The following ZNF654 variants were observed in gnomAD, a reference collection of about 807,000 sequenced individuals.
ZNF654 encodes zinc finger protein 654, also known as melanoma-associated antigen.
In ZNF654, 19 loss-of-function variants were observed where a neutral mutation model predicts 95.3. That is an observed-to-expected ratio of 0.20 (90% CI 0.14 to 0.29). ZNF654 has a LOEUF of 0.29. ZNF654 is among the 10% of genes least tolerant of loss of function. The pLI is 1.00. For synonymous variants in ZNF654, 413 were observed against 457.9 expected, an observed-to-expected ratio of 0.90 and a Z score of 1.25; for missense variants, 1,046 against 1,341.0, an observed-to-expected ratio of 0.78 and a Z score of 3.44.
intron 3 of ZNF654, among the ~76,000 whole-genome samples, chr3:88,122,723 T>C (rs1442169665): frequency 1.3e-5 from 2 of 152,058 alleles, no homozygotes; most frequent in African/African-American, 4.8e-5. Flanking sequence ...AAATACAATA[T>C]GTATGGCTGG....
intron 5 of ZNF654, among the ~76,000 whole-genome samples, chr3:88,129,244 GTA>G (rs1227924681): frequency 1.5e-5 from 2 of 136,326 alleles, no homozygotes; most frequent in Non-Finnish European, 3.1e-5. Context: ...TCATTAATAA[GTA>G]TTATTCACAT....
chr3:88,091,248 T>G (rs1203904838), intron 2 of ZNF654, among the ~76,000 whole-genome samples: 1 of 152,128 alleles, frequency 6.6e-6, no homozygotes, highest in Non-Finnish European at 1.5e-5. Flanking sequence ...ACAGAAGTGT[T>G]GGAGAGAGGA....
At chr3:88,107,202 T>C (rs1704796596) in intron 2 of ZNF654, among the ~76,000 whole-genome samples, 1 of 152,236 alleles carries the variant, frequency 6.6e-6, no homozygotes. Context: ...TTTATCTTCC[T>C]CCAGTAAAAT....
chr3:88,115,141 G>C (rs189215479), intron 3 of ZNF654, among the ~76,000 whole-genome samples: 4 of 152,274 alleles, frequency 2.6e-5, no homozygotes, highest in Non-Finnish European at 5.9e-5. Context: ...TTAAAATTTA[G>C]ATTATGAATC....
intron 1 of ZNF654, among the ~76,000 whole-genome samples, chr3:88,063,957 T>G (rs1707044234): frequency 6.6e-6 from 1 of 152,208 alleles, no homozygotes; most frequent in Admixed American, 6.5e-5. Flanking sequence ...TAAATCCTAC[T>G]TAATGACCCA....
intron 7 of ZNF654, among the ~76,000 whole-genome samples, chr3:88,135,667 G>T (rs143060217): frequency 6.6e-6 from 1 of 152,190 alleles, no homozygotes; most frequent in Non-Finnish European, 1.5e-5. Flanking sequence ...TGAAGTAATT[G>T]TAAAAATGTG....
intron 3 of ZNF654, among the ~76,000 whole-genome samples, chr3:88,114,923 A>G (rs895245540): frequency 6.6e-6 from 1 of 152,224 alleles, no homozygotes; most frequent in African/African-American, 2.4e-5. Flanking sequence ...ATTCAGTGAC[A>G]ACCCCAAATG....
chr3:88,127,603 A>G (rs1221177333), intron 4 of ZNF654, among the ~76,000 whole-genome samples: 1 of 152,076 alleles, frequency 6.6e-6, no homozygotes, highest in African/African-American at 2.4e-5. Flanking sequence ...CTAGACAAAG[A>G]CAGAGTTTCA....
chr3:88,061,685 A>G (rs1279865387), intron 1 of ZNF654, among the ~76,000 whole-genome samples: 1 of 152,174 alleles, frequency 6.6e-6, no homozygotes, highest in Non-Finnish European at 1.5e-5. Flanking sequence ...TACCATAGTA[A>G]TTGCTTCATT....
chr3:88,108,687 G>A (rs540868833), intron 2 of ZNF654, among the ~76,000 whole-genome samples: 1 of 152,236 alleles, frequency 6.6e-6, no homozygotes, highest in East Asian at 1.9e-4. Flanking sequence ...ACTATCATGA[G>A]TATCACAGTG....
At chr3:88,083,831 C>T (rs1464217807) in intron 1 of ZNF654, among the ~76,000 whole-genome samples, 3 of 151,996 alleles carry the variant, frequency 2.0e-5, no homozygotes, top group Non-Finnish European at 4.4e-5. Context: ...AGATGTGGTG[C>T]TTACTGCCTT....
chr3:88,071,929 C>T (rs1243125295), intron 1 of ZNF654, among the ~76,000 whole-genome samples: 1 of 152,212 alleles, frequency 6.6e-6, no homozygotes, highest in Non-Finnish European at 1.5e-5. Context: ...ATTAAATGCT[C>T]ATAACTTGTA....
In ZNF654 at chr3:88,139,870, C is replaced by G. The variant is rs1240892818; in HGVS notation, c.2201C>G (p.Pro734Arg). ...AAAATCAATGGAACTGTGTGCCATC[C>G]AAAAGACATATATGCCACAGATCAA... ...IHKINGTVCH[P>R]KDIYATDQEG... The change falls in exon 8 of 9, where the codon CCA becomes CGA. Residue 734 changes from proline to arginine, a missense_variant. By Grantham distance (103) the Pro-to-Arg change is moderately radical. Coordinates refer to ENST00000636215, the MANE Select transcript of ZNF654 (RefSeq NM_001350134.2). 6 of 1,607,228 alleles carry G rather than the reference C, an allele frequency of 3.7e-6. No individual in the cohort carries two copies. Among genetic ancestry groups the G allele is most frequent in the Non-Finnish European group, 5.1e-6 (6 of 1,176,494 alleles).
At chr3:88,091,478 A>G (rs1363494909) in intron 2 of ZNF654, among the ~76,000 whole-genome samples, 1 of 152,122 alleles carries the variant, frequency 6.6e-6, no homozygotes, top group Non-Finnish European at 1.5e-5. Context: ...TTTCATCTAT[A>G]TAATCTTTGT....
intron 2 of ZNF654, among the ~76,000 whole-genome samples, chr3:88,101,936 T>G (rs749220261): frequency 1.3e-5 from 2 of 152,178 alleles, no homozygotes; most frequent in Non-Finnish European, 2.9e-5. Flanking sequence ...TTGTATGCTT[T>G]GCTATTTTAT....
At chr3:88,128,665 C>A in intron 4 of ZNF654, 144 bp from the exon 5 acceptor site, 1 of 564,162 alleles carries the variant, frequency 1.8e-6, no homozygotes, top group Non-Finnish European at 3.0e-6. Flanking sequence ...TGAATATTTT[C>A]ACAAATAAAC....
intron 2 of ZNF654, among the ~76,000 whole-genome samples, chr3:88,102,723 C>G (rs1159174170): frequency 2.0e-5 from 3 of 151,376 alleles, no homozygotes; most frequent in Non-Finnish European, 4.4e-5. Context: ...AACTTCTAAC[C>G]GGTTTTACTC....
intron 1 of ZNF654, among the ~76,000 whole-genome samples, chr3:88,077,345 T>C (rs1030745128): frequency 6.6e-6 from 1 of 151,156 alleles, no homozygotes; most frequent in Non-Finnish European, 1.5e-5. Flanking sequence ...TTTTTTTTTT[T>C]TTTTTTGAGA....
chr3:88,119,937 A>C (rs1434488791), intron 3 of ZNF654, among the ~76,000 whole-genome samples: 1 of 152,196 alleles, frequency 6.6e-6, no homozygotes, highest in Non-Finnish European at 1.5e-5. Context: ...AAACTCTGCT[A>C]ATTAAAAGTA....
Sources: allele counts gnomAD v4.1 joint callset (sites outside exome capture counted in the v4.1 genomes callset), GRCh38; gene constraint gnomAD v4.1.1; transcripts MANE v1.5; gene names NCBI Gene and HGNC (gene_info 2026-07-23, HGNC 2026-07-21).